The following PACSIN2 variants were observed in gnomAD, a reference collection of about 807,000 sequenced individuals.
PACSIN2 encodes protein kinase C and casein kinase substrate in neurons protein 2.
In PACSIN2, 25 loss-of-function variants were observed where a neutral mutation model predicts 63.8. That is an observed-to-expected ratio of 0.39 (90% confidence interval 0.29 to 0.55). The LOEUF (loss-of-function observed/expected upper bound fraction) is 0.55, where lower values mean the gene tolerates loss of function less well. Ranked by LOEUF, PACSIN2 falls within the 20% of genes least tolerant of loss-of-function variation. The probability of loss-of-function intolerance (pLI) is 0.62; values close to 1 mark genes in which losing one functional copy is unlikely to be tolerated. For synonymous variants in PACSIN2, 255 were observed against 256.2 expected (o/e 1.00, Z 0.05); for missense variants, 518 against 646.9 (o/e 0.80, Z 2.16).
intron 1 of PACSIN2, among the ~76,000 whole-genome samples, chr22:42,920,629 A>G (rs900731870): frequency 5.3e-5 from 8 of 152,074 alleles, no homozygotes; most frequent in Non-Finnish European, 1.0e-4. Flanking sequence ...ATGGTGGAGG[A>G]CGTGCTGGAA....
In PACSIN2 at chr22:42,930,393, G is replaced by C. The variant is rs572626894; in HGVS notation, c.-77-18236C>G. Among the ~76,000 whole-genome samples, 4 of 152,262 alleles carry C rather than the reference G, an allele frequency of 2.6e-5. No homozygotes were observed. The South Asian group carries it at 8.3e-4, about 32-fold the overall frequency. On this transcript the variant is annotated intron_variant, in intron 1 of 10. Coordinates refer to ENST00000263246, the MANE Select transcript of PACSIN2 (RefSeq NM_001184970.3). Reference sequence around the variant, plus strand: ...GGACACACTCAGCACCTTTGTCTCAGCTCTCAGACCTTCTCTGGACCCTCC... The same window carrying C: ...GGACACACTCAGCACCTTTGTCTCACCTCTCAGACCTTCTCTGGACCCTCC...
At chr22:42,987,321 CCA>C (rs1307170021) in intron 1 of PACSIN2, among the ~76,000 whole-genome samples, 3 of 151,816 alleles carry the variant, frequency 2.0e-5, no homozygotes, top group Non-Finnish European at 4.4e-5. Flanking sequence ...GCTTAGCTTC[CCA>C]CAGATAAAAA....
At chr22:42,910,456 G>T (rs924432463) in intron 2 of PACSIN2, among the ~76,000 whole-genome samples, 3 of 152,180 alleles carry the variant, frequency 2.0e-5, no homozygotes, top group Admixed American at 1.3e-4. Flanking sequence ...GCCTCTCTGG[G>T]GGGGCCAGCC....
chr22:42,996,000 C>T (rs1923370478), intron 1 of PACSIN2, among the ~76,000 whole-genome samples: 1 of 152,046 alleles, frequency 6.6e-6, no homozygotes, highest in Admixed American at 6.6e-5. Flanking sequence ...GTGGGCGGAT[C>T]ACAAGGTCAG....
intron 1 of PACSIN2, among the ~76,000 whole-genome samples, chr22:42,917,122 A>ACTCT (rs1931864850): frequency 1.3e-5 from 2 of 152,028 alleles, no homozygotes; most frequent in South Asian, 2.1e-4. Context: ...AGTCCTAACA[A>ACTCT]CTCTATGGGG....
intron 1 of PACSIN2, among the ~76,000 whole-genome samples, chr22:42,976,358 G>A (rs561451898): frequency 1.3e-5 from 2 of 152,354 alleles, no homozygotes; most frequent in Non-Finnish European, 2.9e-5. Context: ...GGCAAGCGCA[G>A]GCCTTAATGC....
chr22:42,990,233 TCA>T (rs1922953602), intron 1 of PACSIN2, among the ~76,000 whole-genome samples: 1 of 151,998 alleles, frequency 6.6e-6, no homozygotes, highest in Non-Finnish European at 1.5e-5. Flanking sequence ...GCACTTGCAA[TCA>T]CAGACGGCCA....
At position 42,998,983 on chromosome 22, in the gene PACSIN2, G is replaced by C. The variant is rs982984140; in HGVS notation, c.-78+16038C>G. ...CATCTCCAGCTCCCCATCCTGCTGA[G>C]AGCCACCTCCATCACTCAATAAAAT... is the stretch of plus-strand genomic sequence containing the variant. On this transcript the variant is annotated intron_variant, in intron 1 of 10. Transcript: ENST00000263246. Among the ~76,000 whole-genome samples, 10 of 152,252 alleles carry C rather than the reference G, an allele frequency of 6.6e-5. 1 individual carries two copies. The East Asian group carries it at 1.9e-3, about 29-fold the overall frequency.
At chr22:42,992,828 T>C (rs1923131879) in intron 1 of PACSIN2, among the ~76,000 whole-genome samples, 1 of 152,166 alleles carries the variant, frequency 6.6e-6, no homozygotes, top group Non-Finnish European at 1.5e-5. Context: ...GTAATTTTAC[T>C]GAGTGAAAGA....
At chr22:42,930,730 GT>G (rs894000956) in intron 1 of PACSIN2, among the ~76,000 whole-genome samples, 1 of 152,216 alleles carries the variant, frequency 6.6e-6, no homozygotes, top group Non-Finnish European at 1.5e-5. Context: ...AAAAATGAAA[GT>G]TTTTGACAGT....
intron 1 of PACSIN2, among the ~76,000 whole-genome samples, chr22:42,941,388 ATTTCT>A (rs1201598745): frequency 2.6e-5 from 4 of 152,142 alleles, no homozygotes; most frequent in Non-Finnish European, 5.9e-5. Context: ...AGATGTTTTC[ATTTCT>A]TTTGAGTAGA....
At chr22:42,918,875 T>A (rs1205173563) in intron 1 of PACSIN2, among the ~76,000 whole-genome samples, 1 of 152,204 alleles carries the variant, frequency 6.6e-6, no homozygotes, top group Non-Finnish European at 1.5e-5. Context: ...TAAAAATGAA[T>A]CTGCTTGCAG....
At chr22:43,009,220 G>A (rs183586899) in intron 1 of PACSIN2, among the ~76,000 whole-genome samples, 7 of 152,324 alleles carry the variant, frequency 4.6e-5, no homozygotes, top group Middle Eastern at 6.8e-3. Flanking sequence ...GCCTCTGGCT[G>A]TTTGCTCCAT....
chr22:42,991,625 G>A (rs1923047006), intron 1 of PACSIN2, among the ~76,000 whole-genome samples: 1 of 152,142 alleles, frequency 6.6e-6, no homozygotes, highest in African/African-American at 2.4e-5. Flanking sequence ...TCAGGAGCTG[G>A]GAACTCCCAG....
At chr22:42,888,157 C>T (rs952905964) in intron 5 of PACSIN2, among the ~76,000 whole-genome samples, 2 of 152,152 alleles carry the variant, frequency 1.3e-5, no homozygotes, top group Admixed American at 6.5e-5. Context: ...TCCTGAGTGG[C>T]TCCTGGTCAG....
chr22:42,940,675 C>T (rs1215346398), intron 1 of PACSIN2, among the ~76,000 whole-genome samples: 1 of 152,194 alleles, frequency 6.6e-6, no homozygotes, highest in Admixed American at 6.5e-5. Context: ...GAAGCCCCTG[C>T]CACCGCCACC....
chr22:42,879,476 G>A (rs1302829663), intron 7 of PACSIN2, among the ~76,000 whole-genome samples: 1 of 152,124 alleles, frequency 6.6e-6, no homozygotes, highest in Non-Finnish European at 1.5e-5. Flanking sequence ...CGGGGGTGGC[G>A]AGGACCAGGG....
rs530798433 is a variant in PACSIN2 at position 42,876,919 on chromosome 22, C to T, written c.1120G>A (p.Val374Ile). 6.8e-6 allele frequency: 11 copies of T among 1,614,140 alleles called. No homozygotes were observed. Among genetic ancestry groups the T allele is most frequent in the South Asian group, 3.3e-5 (3 of 91,086 alleles). ...GCCTTAGTGTCGTCCTTCTCACTGA[C>T]GGTGCTGCCCGTGTCGTCCTCATCC... is the stretch of plus-strand genomic sequence containing the variant. ...FEDEDDTGSTVSEKDDTKAKN... is the reference protein window; with the variant it reads ...FEDEDDTGSTISEKDDTKAKN... Residue 374 changes from valine (V) to isoleucine (I), a missense_variant, in exon 9 of 11, where the codon GTC (valine) becomes ATC (isoleucine). This residue lies in a region of PACSIN2 where 507 missense variants were observed against 612.3 expected (regional missense o/e 0.83). Transcript: ENST00000263246.
intron 2 of PACSIN2, among the ~76,000 whole-genome samples, chr22:42,908,764 C>A (rs1375036487): frequency 6.6e-6 from 1 of 152,198 alleles, no homozygotes; most frequent in Non-Finnish European, 1.5e-5. Context: ...CTCATTCAGG[C>A]TCCAGACTTG....
Sources: gnomAD v4.1 joint callset for allele counts (sites outside exome capture counted in the v4.1 genomes callset) on GRCh38, gnomAD v4.1.1 for gene constraint, gnomAD v4.1.1 regional missense constraint, MANE v1.5 for transcripts, NCBI Gene and HGNC (gene_info 2026-07-23, HGNC 2026-07-21) for gene names.